Variants in TAF1B observed in about 807,000 individuals in gnomAD.
TAF1B encodes the protein TATA-box binding protein associated factor, RNA polymerase I subunit B, also known as TATA box-binding protein-associated factor RNA polymerase I subunit B.
In TAF1B, 61 loss-of-function variants were observed where a neutral mutation model predicts 83.9. That is an observed-to-expected ratio of 0.73 (90% CI 0.59 to 0.90). The LOEUF is 0.90. Ranked by LOEUF, TAF1B falls within the 40% of genes least tolerant of loss-of-function variation. The pLI, the probability that TAF1B is intolerant of heterozygous loss-of-function variation, is 0.00. For synonymous variants in TAF1B, 221 were observed against 224.6 expected (o/e 0.98, Z 0.14); for missense variants, 625 against 677.0 (o/e 0.92, Z 0.85).
At chr2:9,844,980 T>G (rs1663156409) in intron 1 of TAF1B, among the ~76,000 whole-genome samples, 1 of 152,198 alleles carries the variant, frequency 6.6e-6, no homozygotes, top group South Asian at 2.1e-4. Context: ...CCCTACTACC[T>G]CCTTTTCTTT....
intron 8 of TAF1B, among the ~76,000 whole-genome samples, chr2:9,884,193 G>C (rs1261222980): frequency 6.6e-6 from 1 of 152,228 alleles, no homozygotes; most frequent in African/African-American, 2.4e-5. Context: ...GCTGCAAGCA[G>C]TTTCCGCAGC....
intron 5 of TAF1B, among the ~76,000 whole-genome samples, chr2:9,857,066 G>A (rs1215284823): frequency 6.6e-6 from 1 of 152,152 alleles, no homozygotes; most frequent in Non-Finnish European, 1.5e-5. Flanking sequence ...ATATAGAGAG[G>A]GGGACACTGG....
intron 3 of TAF1B, among the ~76,000 whole-genome samples, chr2:9,849,911 T>C (rs1286518142): frequency 2.0e-5 from 3 of 152,228 alleles, no homozygotes; most frequent in Non-Finnish European, 4.4e-5. Context: ...TTTTTATTTT[T>C]GTGACTAGGT....
chr2:9,923,536 G>A (rs1201326612), intron 14 of TAF1B, among the ~76,000 whole-genome samples: 2 of 151,958 alleles, frequency 1.3e-5, no homozygotes, highest in South Asian at 2.1e-4. Context: ...AAAATTAGCT[G>A]GATGTGGTGG....
chr2:9,882,341 G>A lies in TAF1B; in HGVS notation c.708-365G>A, dbSNP rs550096794. Among the ~76,000 whole-genome samples, 90 of 152,174 alleles carry A rather than the reference G, an allele frequency of 5.9e-4. 1 individual carries two copies. Among genetic ancestry groups the A allele is most frequent in the South Asian group, 5.8e-3 (28 of 4,822 alleles). On this transcript the variant is annotated intron_variant, in intron 7 of 14. Coordinates refer to ENST00000263663, the MANE Select transcript of TAF1B (RefSeq NM_005680.3). ...TCTCGGACTCCTGACCTCGTGATCC[G>A]CTTGCCTTGGCCTCCCAAAGTGCTG...
At chr2:9,866,812 C>A (rs1216696753) in intron 5 of TAF1B, among the ~76,000 whole-genome samples, 1 of 152,110 alleles carries the variant, frequency 6.6e-6, no homozygotes, top group Non-Finnish European at 1.5e-5. Context: ...TGGAAACCAT[C>A]ATTCTGAGCA....
At position 9,896,373 on chromosome 2, in the gene TAF1B, C is replaced by T. The variant is rs557562427; in HGVS notation, c.808-8486C>T. ...GTATGTTGAAACTTTTAAATGGAAA[C>T]GGCTTTTCATTAACAAAGGAAGCAT... is the stretch of plus-strand genomic sequence containing the variant. On this transcript the variant is annotated intron_variant, in intron 8 of 14. Transcript: ENST00000263663. Among the ~76,000 whole-genome samples the T allele has an allele frequency of 5.3e-5, 8 of 152,214 alleles. 1 individual carries two copies. The South Asian group carries it at 1.2e-3, about 24-fold the overall frequency.
intron 4 of TAF1B, among the ~76,000 whole-genome samples, chr2:9,854,027 A>T (rs1558614087): frequency 6.6e-6 from 1 of 152,222 alleles, no homozygotes; most frequent in Non-Finnish European, 1.5e-5. Flanking sequence ...AGGTAAGAAT[A>T]CATTTAGATG....
rs116114439 is a variant in TAF1B at position 9,904,984 on chromosome 2, C to T, written c.933C>T (p.Tyr311=). The T allele has an allele frequency of 0.017, 27,523 of 1,611,834 alleles. 305 individuals are homozygous for T. The highest frequency in any genetic ancestry group is 0.02 in the Non-Finnish European group (23,019 of 1,178,120). ...ATCCCAACATACTGTGTATGAAATACTTGATGGAAGTCAACCTCCCTGGTA... is the reference window on the plus strand; with the variant it reads ...ATCCCAACATACTGTGTATGAAATATTTGATGGAAGTCAACCTCCCTGGTA... ...YLHPNILCMK[Y]LMEVNLPDEM... Residue 311 remains tyrosine (Y), a synonymous_variant, in exon 9 of 15, where the codon TAC becomes TAT. Coordinates refer to ENST00000263663, the MANE Select transcript of TAF1B (RefSeq NM_005680.3).
At position 9,934,104 on chromosome 2, in the gene TAF1B, A is replaced by T. The variant is rs953092484; in HGVS notation, c.*120A>T. ...CATATATATGTATAGACTCTGACACATATTTACATATATATCAAGTGTGCT... is the reference window on the plus strand; with the variant it reads ...CATATATATGTATAGACTCTGACACTTATTTACATATATATCAAGTGTGCT... On this transcript the variant is annotated 3_prime_UTR_variant, in exon 15 of 15. Transcript: ENST00000263663. 3 of 743,068 alleles carry T rather than the reference A, an allele frequency of 4.0e-6. No individual in the cohort carries two copies. Among genetic ancestry groups the T allele is most frequent in the East Asian group, 2.7e-5 (1 of 36,594 alleles). The allele number at this position is 743,068 out of a possible 1,614,324, so 46.0% of individuals were successfully genotyped here.
chr2:9,856,714 G>T (rs978205683), intron 5 of TAF1B, among the ~76,000 whole-genome samples: 2 of 152,080 alleles, frequency 1.3e-5, no homozygotes, highest in African/African-American at 4.8e-5. Flanking sequence ...TTAAAAAAAG[G>T]TTTTTCTAGA....
At chr2:9,887,509 G>C (rs115452363) in intron 8 of TAF1B, among the ~76,000 whole-genome samples, 4 of 151,136 alleles carry the variant, frequency 2.6e-5, no homozygotes, top group African/African-American at 4.9e-5. Context: ...TTTTCTCCTC[G>C]TGCTGTTTCT....
rs185396342 is a variant in TAF1B at position 9,864,381 on chromosome 2, T to C, written c.400-3895T>C. On this transcript the variant is annotated intron_variant, in intron 5 of 14. Transcript: ENST00000263663. Reference sequence around the variant, plus strand: ...CTCGACAAATACACCTTCCCAAAACTAAACCAGGAAGAAGTTGAATCTCTG... The same window carrying C: ...CTCGACAAATACACCTTCCCAAAACCAAACCAGGAAGAAGTTGAATCTCTG... 6.6e-5 allele frequency among the ~76,000 whole-genome samples: 10 copies of C among 152,172 alleles called. No homozygotes were observed. In the East Asian group the frequency reaches 1.7e-3, roughly 26 times the overall value.
intron 9 of TAF1B, among the ~76,000 whole-genome samples, chr2:9,907,897 G>A (rs929592040): frequency 8.6e-5 from 13 of 151,914 alleles, no homozygotes. Context: ...TCCAGGGCCT[G>A]TGCTCTTCCC....
chr2:9,869,908 T>C (rs770495755), intron 6 of TAF1B, among the ~76,000 whole-genome samples: 45 of 152,124 alleles, frequency 3.0e-4, no homozygotes, highest in Admixed American at 1.2e-3. Flanking sequence ...AAACTCAATA[T>C]AAAACTATAA....
intron 3 of TAF1B, among the ~76,000 whole-genome samples, chr2:9,851,194 C>G (rs578004325): frequency 1.3e-5 from 2 of 152,230 alleles, no homozygotes; most frequent in Non-Finnish European, 2.9e-5. Flanking sequence ...ATTTTTAAAA[C>G]TCGTTTCACT....
At chr2:9,853,371 A>G (rs1239503568) in intron 4 of TAF1B, among the ~76,000 whole-genome samples, 2 of 152,228 alleles carry the variant, frequency 1.3e-5, no homozygotes, top group African/African-American at 4.8e-5. Flanking sequence ...CTTCAATGGT[A>G]AAATGAAGCT....
chr2:9,870,438 G>T (rs1183096994), intron 6 of TAF1B, among the ~76,000 whole-genome samples: 5 of 152,112 alleles, frequency 3.3e-5, no homozygotes, highest in Non-Finnish European at 7.4e-5. Flanking sequence ...AGTGCGCTGT[G>T]ATCATCCCAC....
chr2:9,851,402 T>A, intron 3 of TAF1B, 139 bp from the exon 4 acceptor site: 1 of 540,686 alleles, frequency 1.8e-6, no homozygotes, highest in Non-Finnish European at 3.1e-6. Context: ...TTCAAGATGC[T>A]AAGCTGCTAA....
Sources: gnomAD v4.1 joint callset for allele counts (sites outside exome capture counted in the v4.1 genomes callset) on GRCh38, gnomAD v4.1.1 for gene constraint, MANE v1.5 for transcripts, NCBI Gene and HGNC (gene_info 2026-07-23, HGNC 2026-07-21) for gene names.